The following PEAK1 variants were observed in gnomAD, a reference collection of about 807,000 sequenced individuals.
PEAK1 encodes pseudopodium enriched atypical kinase 1, also known as inactive tyrosine-protein kinase PEAK1.
A neutral mutation model predicts 124.7 loss-of-function variants in PEAK1; 54 were observed. The ratio of observed to expected loss-of-function variants is 0.43; its 90% CI spans 0.35 to 0.54. The LOEUF is 0.54. Ranked by LOEUF, PEAK1 falls within the 20% of genes least tolerant of loss-of-function variation. The probability of loss-of-function intolerance (pLI) is 0.01; values close to 1 mark genes in which losing one functional copy is unlikely to be tolerated. For synonymous variants in PEAK1, 719 were observed against 760.0 expected, an observed-to-expected ratio of 0.95 and a Z score of 0.89; for missense variants, 2,046 against 2,134.5, an observed-to-expected ratio of 0.96 and a Z score of 0.82.
intron 6 of PEAK1, among the ~76,000 whole-genome samples, chr15:77,246,585 T>C (rs977258776): frequency 6.6e-6 from 1 of 152,186 alleles, no homozygotes; most frequent in Admixed American, 6.5e-5. Context: ...GGGATTTTCT[T>C]TGATTATTTT....
chr15:77,126,038 A>G (rs1170332981), intron 9 of PEAK1, among the ~76,000 whole-genome samples: 2 of 152,220 alleles, frequency 1.3e-5, no homozygotes, highest in Non-Finnish European at 2.9e-5. Context: ...CCTGTTTTCA[A>G]TAAGCTTAGT....
chr15:77,353,019 T>C, intron 2 of PEAK1: 1 of 985,380 alleles, frequency 1.0e-6, no homozygotes, highest in Non-Finnish European at 1.2e-6. Flanking sequence ...AAGCATCTGT[T>C]GGCTAATAGC....
Position 77,178,794 on chromosome 15 carries a change from G to A in PEAK1, c.3133C>T (p.Leu1045Phe). Residue 1045 changes from leucine to phenylalanine, a missense_variant, in exon 7 of 10, where the codon CTC becomes TTC. Leu to Phe is a conservative substitution (Grantham distance 22). Coordinates refer to ENST00000682557, the MANE Select transcript of PEAK1 (RefSeq NM_001385026.1). ...SSPSQIPKKI[L>F]SHMTHEVTED... ...CTTCCAGTCTATTTTACATACCTGA[G>A]AATCTTTTTAGGAATCTGTGATGGA... 1 of 1,611,904 alleles carries A rather than the reference G, an allele frequency of 6.2e-7. No homozygotes were observed. The highest frequency in any genetic ancestry group is 1.1e-5 in the South Asian group (1 of 90,718).
intron 1 of PEAK1, among the ~76,000 whole-genome samples, chr15:77,413,905 C>T (rs1017142849): frequency 7.2e-5 from 11 of 152,058 alleles, no homozygotes; most frequent in African/African-American, 2.4e-4. Flanking sequence ...CTCACTACAG[C>T]CTCTACCATC....
intron 6 of PEAK1, among the ~76,000 whole-genome samples, chr15:77,230,392 G>T (rs1291643923): frequency 6.6e-6 from 1 of 151,986 alleles, no homozygotes; most frequent in African/African-American, 2.4e-5. Flanking sequence ...TAGAGACAGG[G>T]TTTCACCATG....
chr15:77,241,857 T>C (rs564616845), intron 6 of PEAK1, among the ~76,000 whole-genome samples: 2 of 152,208 alleles, frequency 1.3e-5, no homozygotes, highest in East Asian at 1.9e-4. Context: ...AGATAGACTA[T>C]GTTCATCAAC....
chr15:77,330,094 A>G, intron 2 of PEAK1, among the ~76,000 whole-genome samples: 1 of 152,212 alleles, frequency 6.6e-6, no homozygotes, highest in Middle Eastern at 3.2e-3. Context: ...AAGTCACTTT[A>G]GTTTTTTTTT....
At chr15:77,228,548 C>G (rs1567140647) in intron 6 of PEAK1, among the ~76,000 whole-genome samples, 1 of 152,122 alleles carries the variant, frequency 6.6e-6, no homozygotes, top group East Asian at 1.9e-4. Flanking sequence ...GAGAGAACAA[C>G]TGGATTAAAA....
chr15:77,159,821 AC>A (rs2055473634), intron 7 of PEAK1, among the ~76,000 whole-genome samples: 3 of 152,256 alleles, frequency 2.0e-5, no homozygotes, highest in African/African-American at 7.2e-5. Context: ...GCAAAGGAGT[AC>A]CCTCTTATCA....
intron 6 of PEAK1, among the ~76,000 whole-genome samples, chr15:77,194,290 T>C (rs191482800): frequency 3.3e-5 from 5 of 152,336 alleles, no homozygotes; most frequent in African/African-American, 9.6e-5. Context: ...TGAGATAGTA[T>C]ATTTTGTGTC....
At chr15:77,361,809 G>A (rs943703939) in intron 2 of PEAK1, among the ~76,000 whole-genome samples, 3 of 151,650 alleles carry the variant, frequency 2.0e-5, no homozygotes, top group Non-Finnish European at 2.9e-5. Flanking sequence ...CAATAGCCAA[G>A]ATATGAAATC....
intron 6 of PEAK1, among the ~76,000 whole-genome samples, chr15:77,237,848 A>G (rs983708142): frequency 1.7e-4 from 26 of 152,178 alleles, no homozygotes; most frequent in Middle Eastern, 3.4e-3. Context: ...TTTTGCTTTG[A>G]ATTCTCTTGC....
chr15:77,243,055 C>T (rs951143825), intron 6 of PEAK1, among the ~76,000 whole-genome samples: 9 of 152,104 alleles, frequency 5.9e-5, no homozygotes, highest in Non-Finnish European at 1.0e-4. Flanking sequence ...AAATTAATTA[C>T]CCCTGTTAAT....
chr15:77,389,829 A>G (rs1285592823), intron 1 of PEAK1, among the ~76,000 whole-genome samples: 5 of 152,156 alleles, frequency 3.3e-5, no homozygotes, highest in African/African-American at 9.7e-5. Flanking sequence ...TCTTGACTGC[A>G]ATTGGAAGGT....
chr15:77,193,803 TA>T (rs2057969273), intron 6 of PEAK1, among the ~76,000 whole-genome samples: 1 of 146,068 alleles, frequency 6.8e-6, no homozygotes, highest in South Asian at 2.2e-4. Context: ...GACTCTATCT[TA>T]ACTAAACTAA....
intron 7 of PEAK1, 183 bp downstream of exon 7, chr15:77,178,607 C>T (rs1308002730): frequency 4.6e-6 from 3 of 653,300 alleles, no homozygotes; most frequent in East Asian, 5.5e-5. Flanking sequence ...AAACCTTGTT[C>T]AGTGCAGTAA....
At chr15:77,348,068 C>T in intron 2 of PEAK1, 2 of 983,642 alleles carry the variant, frequency 2.0e-6, no homozygotes, top group Non-Finnish European at 2.4e-6. Flanking sequence ...TCTACAAAAA[C>T]ATTTTGGTCA....
chr15:77,347,702 A>G, intron 2 of PEAK1: 1 of 972,740 alleles, frequency 1.0e-6, no homozygotes. Context: ...TAGAAATTAC[A>G]GAAAATATTT....
intron 2 of PEAK1, among the ~76,000 whole-genome samples, chr15:77,362,829 G>GA (rs149175755): frequency 0.041 from 6,275 of 151,614 alleles, 183 homozygotes; most frequent in Middle Eastern, 0.092. Context: ...TGAAAAAAAA[G>GA]AAAAAAAAGT....
Sources: gnomAD v4.1 joint callset for allele counts (sites outside exome capture counted in the v4.1 genomes callset) on GRCh38, gnomAD v4.1.1 for gene constraint, MANE v1.5 for transcripts, NCBI Gene and HGNC (gene_info 2026-07-23, HGNC 2026-07-21) for gene names.